Variants in MYEF2 observed in about 807,000 individuals in gnomAD.
MYEF2 encodes the protein myelin gene expression factor 2.
MYEF2 carries 37 observed loss-of-function variants against 75.2 expected under a neutral mutation model. The ratio of observed to expected loss-of-function variants is 0.49; its 90% CI spans 0.38 to 0.65. The LOEUF is 0.65. Among genes scored for constraint, MYEF2 ranks in the 30% least tolerant of loss-of-function variants. The pLI, the probability that MYEF2 is intolerant of heterozygous loss-of-function variation, is 0.00. For missense variants in MYEF2, 634 were observed against 771.4 expected, an observed-to-expected ratio of 0.82 and a Z score of 2.11; for synonymous variants, 195 against 241.6, an observed-to-expected ratio of 0.81 and a Z score of 1.79.
Position 48,158,150 on chromosome 15 carries a change from G to C in MYEF2, c.921+25C>G, listed in dbSNP as rs772648267. On this transcript the variant is annotated intron_variant, in intron 8 of 16. Coordinates refer to ENST00000324324, the MANE Select transcript of MYEF2 (RefSeq NM_016132.5). ...AATAAAAGATCTGAAGAGGTTGGAG[G>C]TTGAAGTGATATACAGGAACTCACC... 1.2e-5 allele frequency: 19 copies of C among 1,612,472 alleles called. No individual in the cohort carries two copies. The East Asian group carries it at 4.2e-4, about 36-fold the overall frequency.
In MYEF2 at chr15:48,143,050, A is replaced by G. The variant is rs772382112; in HGVS notation, c.1661T>C (p.Ile554Thr). 1 of 1,573,182 alleles carries G rather than the reference A, an allele frequency of 6.4e-7. No individual in the cohort carries two copies. Among genetic ancestry groups the G allele is most frequent in the Admixed American group, 1.9e-5 (1 of 52,266 alleles). ...TTTTGACTTTCCATTCTCCATTTTT[A>G]TTTCTGCAAACATTACATGACCTGT... ...SQCGHVMFAE[I>T]KMENGKSKGC... The change falls in exon 17 of 17, where the codon ATA becomes ACA. Residue 554 changes from isoleucine to threonine, a missense_variant. By Grantham distance (89) the Ile-to-Thr change is moderately conservative. Coordinates refer to ENST00000324324, the MANE Select transcript of MYEF2 (RefSeq NM_016132.5).
chr15:48,143,681 G>A (rs1423687972), intron 16 of MYEF2, among the ~76,000 whole-genome samples: 1 of 152,048 alleles, frequency 6.6e-6, no homozygotes, highest in African/African-American at 2.4e-5. Flanking sequence ...GTCATGGGAA[G>A]AGATAGCACA....
rs2039870208 is a variant in MYEF2, at chr15:48,159,859, A to G, written c.526-55T>C. ...CTAAATACATCACTAATTCTACAAAATTAAAATAACAATTTAAATTCTACA... is the reference window on the plus strand; with the variant it reads ...CTAAATACATCACTAATTCTACAAAGTTAAAATAACAATTTAAATTCTACA... On this transcript the variant is annotated intron_variant, in intron 5 of 16. Coordinates refer to ENST00000324324, the MANE Select transcript of MYEF2 (RefSeq NM_016132.5). The G allele has an allele frequency of 2.6e-6, 4 of 1,510,880 alleles. No homozygotes were observed. The Admixed American group carries it at 8.4e-5, about 32-fold the overall frequency. The allele number at this position is 1,510,880 out of a possible 1,614,324, so 93.6% of individuals were successfully genotyped here.
chr15:48,165,978 A>C lies in MYEF2; in HGVS notation c.480T>G (p.Thr160=), dbSNP rs766970009. The C allele has an allele frequency of 6.3e-7, 1 of 1,595,832 alleles. No individual in the cohort carries two copies. The highest frequency in any genetic ancestry group is 1.1e-5 in the South Asian group (1 of 87,840). Residue 160 remains threonine (T), a synonymous_variant, in exon 5 of 17, where the codon ACT becomes ACG. Transcript: ENST00000324324. ...TTCCACTAAGATCATATTTGTTCAT[A>C]GTTTCTAGGGCTTTCTTTACAAATT... The part of the protein sequence containing the change: ...DEEFVKKALE[T]MNKYDLSGRP...
At chr15:48,177,376 G>T in intron 1 of MYEF2, among the ~76,000 whole-genome samples, 1 of 151,314 alleles carries the variant, frequency 6.6e-6, no homozygotes, top group East Asian at 2.0e-4. Flanking sequence ...CCAAACTTAA[G>T]ATAATCATAC....
rs1396631776 is a variant in MYEF2, at chr15:48,153,902, A to C, written c.986-9T>G. 6.2e-7 allele frequency: 1 copy of C among 1,607,736 alleles called. No individual in the cohort carries two copies. The highest frequency in any genetic ancestry group is 1.7e-5 in the Admixed American group (1 of 59,568). On this transcript the variant is annotated splice_polypyrimidine_tract_variant and intron_variant, in intron 9 of 16. Transcript: ENST00000324324. ...AATGCCTCCAAGACCACCTAAAACA[A>C]AAATGAGAACAATCATTACAAAGAT...
chr15:48,168,986 T>A, intron 1 of MYEF2, 147 bp from the exon 2 acceptor site: 1 of 638,414 alleles, frequency 1.6e-6, no homozygotes, highest in African/African-American at 1.8e-5. Flanking sequence ...AGAATCAGCC[T>A]GAGAGCTTTG....
At position 48,135,014 on chromosome 15, in the gene MYEF2, AT is replaced by A. The variant is rs2038862305; in HGVS notation, c.*7893del. The A allele has an allele frequency of 2.6e-6, 4 of 1,531,412 alleles. No homozygotes were observed. Among genetic ancestry groups the A allele is most frequent in the Non-Finnish European group, 3.6e-6 (4 of 1,118,244 alleles). The allele number at this position is 1,531,412 out of a possible 1,614,324, so 94.9% of individuals were successfully genotyped here. On this transcript the variant is annotated 3_prime_UTR_variant, in exon 17 of 17. Coordinates refer to ENST00000324324, the MANE Select transcript of MYEF2 (RefSeq NM_016132.5). ...GCTTGAAAATAATTCTTATGTAAAA[AT>A]TAGAGATTTTATGAATTTCTGATGG...
At chr15:48,143,743 A>G (rs1349105437) in intron 16 of MYEF2, among the ~76,000 whole-genome samples, 1 of 152,124 alleles carries the variant, frequency 6.6e-6, no homozygotes, top group African/African-American at 2.4e-5. Context: ...ATATCAGAGA[A>G]GCTTCAGGAA....
In MYEF2 at chr15:48,158,420, A is replaced by G. The variant is rs112837625; in HGVS notation, c.872-196T>C. ...TTTACGGTTTTATTTCATCAATAAG[A>G]TGTATTTTTAATTCAACCATTGAAA... On this transcript the variant is annotated intron_variant, in intron 7 of 16. Transcript: ENST00000324324. Among the ~76,000 whole-genome samples the G allele has an allele frequency of 6.4e-4, 97 of 152,308 alleles. 1 individual carries two copies. The highest frequency in any genetic ancestry group is 2.3e-3 in the African/African-American group (95 of 41,584).
intron 9 of MYEF2, chr15:48,157,605 A>G: frequency 2.9e-6 from 1 of 340,406 alleles, no homozygotes; most frequent in Non-Finnish European, 4.2e-6. Context: ...GTTAAACAAA[A>G]AATAATTCAA....
chr15:48,165,023 C>T (rs1449796265), intron 5 of MYEF2, among the ~76,000 whole-genome samples: 1 of 152,084 alleles, frequency 6.6e-6, no homozygotes, highest in Non-Finnish European at 1.5e-5. Flanking sequence ...AGTACTACTA[C>T]CATTACTTCA....
At chr15:48,154,557 A>G (rs1477760751) in intron 9 of MYEF2, among the ~76,000 whole-genome samples, 3 of 152,192 alleles carry the variant, frequency 2.0e-5, no homozygotes, top group Non-Finnish European at 1.5e-5. Context: ...TAAAGAAAGG[A>G]CGATTCAACA....
intron 1 of MYEF2, among the ~76,000 whole-genome samples, chr15:48,169,514 C>G (rs2040246925): frequency 1.3e-5 from 2 of 151,980 alleles, no homozygotes; most frequent in Admixed American, 1.3e-4. Context: ...TCAAATTATG[C>G]AGTTTCATTA....
At chr15:48,153,167 G>GA (rs2039559826) in intron 10 of MYEF2, 1 of 151,914 alleles carries the variant, frequency 6.6e-6, no homozygotes, top group Non-Finnish European at 1.5e-5. Flanking sequence ...TTTTTGCATT[G>GA]AAAAATAGTT....
intron 11 of MYEF2, 73 bp from the exon 12 acceptor site, chr15:48,152,015 A>G (rs2039510044): frequency 9.6e-6 from 14 of 1,460,104 alleles, no homozygotes; most frequent in Non-Finnish European, 1.2e-5. Flanking sequence ...GTAAATGTTA[A>G]ATCTCACCAG....
chr15:48,148,262 C>T (rs1450851799), intron 16 of MYEF2, among the ~76,000 whole-genome samples: 1 of 151,878 alleles, frequency 6.6e-6, no homozygotes, highest in African/African-American at 2.4e-5. Flanking sequence ...TACTTTATAA[C>T]ACTCACATGA....
Position 48,141,395 on chromosome 15 carries a change from G to A in MYEF2, c.*1513C>T, listed in dbSNP as rs2039080227. 4.7e-6 allele frequency: 2 copies of A among 426,618 alleles called. No individual in the cohort carries two copies. The highest frequency in any genetic ancestry group is 8.6e-6 in the Non-Finnish European group (2 of 231,870). The allele number at this position is 426,618 out of a possible 1,614,324, so 26.4% of individuals were successfully genotyped here. A position where few individuals can be genotyped will look rare whatever the true frequency, so the allele number is the denominator to read the frequency against. ...AGTTTGAGACCAGCCTGACCAACAT[G>A]GTGAAACCCAGTCTCTACTAAAAAT... is the stretch of plus-strand genomic sequence containing the variant. On this transcript the variant is annotated 3_prime_UTR_variant, in exon 17 of 17. Transcript: ENST00000324324.
At chr15:48,145,924 C>T (rs199770898) in intron 16 of MYEF2, among the ~76,000 whole-genome samples, 1 of 151,890 alleles carries the variant, frequency 6.6e-6, no homozygotes, top group Admixed American at 6.6e-5. Flanking sequence ...ACTCAAAATG[C>T]TTGAAGCAGC....
Sources: allele counts gnomAD v4.1 joint callset (sites outside exome capture counted in the v4.1 genomes callset), GRCh38; gene constraint gnomAD v4.1.1; transcripts MANE v1.5; gene names NCBI Gene and HGNC (gene_info 2026-07-23, HGNC 2026-07-21).